Variants in SIRPA observed in about 807,000 individuals in gnomAD.
SIRPA encodes signal regulatory protein alpha.
In SIRPA, 9 loss-of-function variants were observed where a neutral mutation model predicts 50.3. The ratio of observed to expected loss-of-function variants is 0.18; its 90% CI spans 0.11 to 0.31. SIRPA has a LOEUF of 0.31. Ranked by LOEUF, SIRPA falls within the 10% of genes least tolerant of loss-of-function variation. The pLI is 1.00. For synonymous variants in SIRPA, 265 were observed against 284.1 expected (o/e 0.93, Z 0.68); for missense variants, 474 against 661.6 (o/e 0.72, Z 3.11).
At chr20:1,904,433 C>G (rs1984426134) in intron 1 of SIRPA, among the ~76,000 whole-genome samples, 1 of 152,164 alleles carries the variant, frequency 6.6e-6, no homozygotes, top group Non-Finnish European at 1.5e-5. Flanking sequence ...ACGAGGCAGT[C>G]TGGTGCGGGG....
At position 1,928,003 on chromosome 20, in the gene SIRPA, G is replaced by A. The variant is rs1410280284; in HGVS notation, c.1226+104G>A. ...CCATGTCCACTGACCTCACCAATGT[G>A]TTGGTCAACATGTCTCTTTCTCTCC... is the stretch of plus-strand genomic sequence containing the variant. On this transcript the variant is annotated intron_variant, in intron 6 of 7. Transcript: ENST00000358771. The surrounding 1 kb of genome is among the most constrained non-coding windows in gnomAD (Gnocchi z 4.9). The A allele has an allele frequency of 4.3e-6, 4 of 940,442 alleles. No homozygotes were observed. The highest frequency in any genetic ancestry group is 7.0e-6 in the Non-Finnish European group (4 of 568,040). 58.3% of individuals were successfully genotyped at this position (940,442 alleles called of 1,614,324 possible).
intron 2 of SIRPA, among the ~76,000 whole-genome samples, 194 bp downstream of exon 2, chr20:1,915,649 A>T (rs1428172612): frequency 6.6e-6 from 1 of 152,218 alleles, no homozygotes; most frequent in African/African-American, 2.4e-5. Flanking sequence ...CACAGCTGGT[A>T]AAGGGTGGGA....
At chr20:1,921,179 G>A (rs1486679060) in intron 2 of SIRPA, among the ~76,000 whole-genome samples, 1 of 152,170 alleles carries the variant, frequency 6.6e-6, no homozygotes. Context: ...TCTGGGCCCT[G>A]CCCCTACACT....
intron 6 of SIRPA, among the ~76,000 whole-genome samples, chr20:1,929,274 A>G (rs2267908): frequency 0.47 from 70,849 of 151,704 alleles, 19,222 homozygotes; most frequent in African/African-American, 0.76. Flanking sequence ...GTAGGTGACC[A>G]TAGCGGTACT....
chr20:1,915,289 A>G lies in SIRPA; in HGVS notation c.270A>G (p.Val90=), dbSNP rs1243141358. ...YNQKEGHFPR[V]TTVSDLTKRN... ...AAAAAGAAGGCCACTTCCCCCGGGT[A>G]ACAACTGTTTCAGACCTCACAAAGA... Residue 90 remains valine, a synonymous_variant, in exon 2 of 8, where the codon GTA becomes GTG. Coordinates refer to ENST00000358771, the MANE Select transcript of SIRPA (RefSeq NM_001040023.2). 9 of 1,613,404 alleles carry G rather than the reference A, an allele frequency of 5.6e-6. No homozygotes were observed. The highest frequency in any genetic ancestry group is 1.1e-5 in the South Asian group (1 of 91,042).
At chr20:1,910,824 C>CA (rs1308015366) in intron 1 of SIRPA, among the ~76,000 whole-genome samples, 1 of 152,160 alleles carries the variant, frequency 6.6e-6, no homozygotes, top group Non-Finnish European at 1.5e-5. Context: ...AAGAGAGTTA[C>CA]ATTTTATAGC....
At position 1,934,968 on chromosome 20, in the gene SIRPA, A is replaced by G. The variant is rs1986493838; in HGVS notation, c.1266+214A>G. Among the ~76,000 whole-genome samples the G allele has an allele frequency of 6.6e-6, 1 of 152,116 alleles. No homozygotes were observed. Among genetic ancestry groups the G allele is most frequent in the Non-Finnish European group, 1.5e-5 (1 of 68,010 alleles). On this transcript the variant is annotated intron_variant, in intron 7 of 7. Coordinates refer to ENST00000358771, the MANE Select transcript of SIRPA (RefSeq NM_001040023.2). This position sits in a 1 kb window ranked among gnomAD's most constrained non-coding sequence, Gnocchi z 4.6. ...GCAGCCTCATGACTCAGTGCGACCC[A>G]TTGCACAACTCCCCAGGGGCACCAT...
At position 1,895,419 on chromosome 20, in the gene SIRPA, T is replaced by C; in HGVS notation, c.-29T>C. ...CGCCCGAGCGCGCACTCACGGCCGC[T>C]CTCCCTCCTCGCTCCGCAGCCGCGG... On this transcript the variant is annotated 5_prime_UTR_variant, in exon 1 of 8. Coordinates refer to ENST00000358771, the MANE Select transcript of SIRPA (RefSeq NM_001040023.2). 1 of 1,356,164 alleles carries C rather than the reference T, an allele frequency of 7.4e-7. No individual in the cohort carries two copies. Among genetic ancestry groups the C allele is most frequent in the South Asian group, 1.7e-5 (1 of 59,842 alleles). 84.0% of individuals were successfully genotyped at this position (1,356,164 alleles called of 1,614,324 possible).
rs1454669766 is a variant in SIRPA at position 1,921,378 on chromosome 20, C to T, written c.437-17C>T. The T allele has an allele frequency of 8.7e-6, 14 of 1,611,530 alleles. No individual in the cohort carries two copies. The highest frequency in any genetic ancestry group is 4.4e-5 in the South Asian group (4 of 91,060). On this transcript the variant is annotated splice_polypyrimidine_tract_variant and intron_variant, in intron 2 of 7. Coordinates refer to ENST00000358771, the MANE Select transcript of SIRPA (RefSeq NM_001040023.2). ...CATCTGAGTCATGTCTCCTGATTAT[C>T]GATGGTCCTTTTGTAGCCAAACCCT...
intron 6 of SIRPA, among the ~76,000 whole-genome samples, chr20:1,929,758 T>C (rs1986192336): frequency 6.6e-6 from 1 of 152,184 alleles, no homozygotes; most frequent in Non-Finnish European, 1.5e-5. Flanking sequence ...GTTTTCCTTT[T>C]GTCATGCTTG....
At chr20:1,908,648 G>C (rs1984694970) in intron 1 of SIRPA, among the ~76,000 whole-genome samples, 1 of 152,126 alleles carries the variant, frequency 6.6e-6, no homozygotes, top group South Asian at 2.1e-4. Flanking sequence ...ACGCATACAT[G>C]TATGTACACA....
chr20:1,915,885 G>A (rs1985256875), intron 2 of SIRPA, among the ~76,000 whole-genome samples: 1 of 152,228 alleles, frequency 6.6e-6, no homozygotes, highest in Non-Finnish European at 1.5e-5. Flanking sequence ...GCTCCGCCAA[G>A]CTTGTGTTCT....
chr20:1,915,455 G>A lies in SIRPA; in HGVS notation c.436G>A (p.Ala146Thr), dbSNP rs561231326. 8 of 1,612,606 alleles carry A rather than the reference G, an allele frequency of 5.0e-6. No individual in the cohort carries two copies. Among genetic ancestry groups the A allele is most frequent in the Admixed American group, 1.7e-5 (1 of 59,970 alleles). ...AGCAGGCACTGAGCTGTCTGTGCGC[G>A]GTGAGTACAGCGTGGGCCTCCTTTG... ...SGAGTELSVR[A>T]KPSAPVVSGP... The change falls in exon 2 of 8, where the codon GCC (alanine) becomes ACC (threonine). Residue 146 changes from alanine (A) to threonine (T), a missense_variant and splice_region_variant. Ala to Thr is a moderately conservative substitution (Grantham distance 58, BLOSUM62 0). Transcript: ENST00000358771.
Position 1,910,522 on chromosome 20 carries a change from A to T in SIRPA, c.80-4577A>T, listed in dbSNP as rs76030209. On this transcript the variant is annotated intron_variant, in intron 1 of 7. Transcript: ENST00000358771. ...CATCCTTGCAGACCTTTTTCTCTAG[A>T]CATGCGATTGACCAATCAACAAAGA... is the stretch of plus-strand genomic sequence containing the variant. Among the ~76,000 whole-genome samples, 781 of 152,320 alleles carry T rather than the reference A, an allele frequency of 5.1e-3. 3 individuals are homozygous for T. Among genetic ancestry groups the T allele is most frequent in the Non-Finnish European group, 9.1e-3 (616 of 68,030 alleles).
chr20:1,907,588 C>A (rs1214199503), intron 1 of SIRPA, among the ~76,000 whole-genome samples: 1 of 152,246 alleles, frequency 6.6e-6, no homozygotes, highest in African/African-American at 2.4e-5. Context: ...CCACCAGCTC[C>A]AGGAAGTCTT....
At chr20:1,930,044 G>A (rs74626582) in intron 6 of SIRPA, among the ~76,000 whole-genome samples, 6,394 of 152,070 alleles carry the variant, frequency 0.042, 180 homozygotes, top group South Asian at 0.089. Context: ...TCACTGCTGG[G>A]GTGTGCTCCC....
At chr20:1,895,310 C>A, upstream of SIRPA, 1 of 507,528 alleles carries the variant, frequency 2.0e-6, no homozygotes, top group Non-Finnish European at 3.2e-6. Flanking sequence ...CCGCTCCAGG[C>A]GCCCGTTCCG....
chr20:1,920,263 G>A (rs752591346), intron 2 of SIRPA, among the ~76,000 whole-genome samples: 42 of 152,216 alleles, frequency 2.8e-4, no homozygotes, highest in African/African-American at 8.9e-4. Context: ...CATCCAGGCC[G>A]CTGGCCTCAA....
At chr20:1,894,511 G>C (rs1040156745), upstream of SIRPA, 1 of 152,082 alleles carries the variant, frequency 6.6e-6, no homozygotes, top group South Asian at 2.1e-4. The surrounding 1 kb of genome is among the most constrained non-coding windows in gnomAD (Gnocchi z 4.0). Context: ...CCTCGCGGGC[G>C]GCGCAGGTCC....
Sources: allele counts gnomAD v4.1 joint callset (sites outside exome capture counted in the v4.1 genomes callset), GRCh38; gene constraint gnomAD v4.1.1; non-coding constraint Gnocchi (gnomAD v3.1); transcripts MANE v1.5; gene names NCBI Gene and HGNC (gene_info 2026-07-23, HGNC 2026-07-21).